The following ZNF804B variants were observed in gnomAD, a reference collection of about 807,000 sequenced individuals.
The protein encoded by ZNF804B is zinc finger 804B.
Under a neutral mutation model 101.4 loss-of-function variants are expected in ZNF804B, and 80 were observed. The ratio of observed to expected loss-of-function variants is 0.79; its 90% CI spans 0.66 to 0.95. The LOEUF (loss-of-function observed/expected upper bound fraction) is 0.95, where lower values mean the gene tolerates loss of function less well. Among genes scored for constraint, ZNF804B ranks in the 40% least tolerant of loss-of-function variants. ZNF804B has a pLI of 0.00. For missense variants in ZNF804B, 1,673 were observed against 1,561.9 expected, an observed-to-expected ratio of 1.07 and a Z score of -1.20; for synonymous variants, 622 against 558.8, an observed-to-expected ratio of 1.11 and a Z score of -1.59.
intron 2 of ZNF804B, among the ~76,000 whole-genome samples, chr7:89,252,134 A>G (rs1457556358): frequency 6.6e-6 from 1 of 152,196 alleles, no homozygotes; most frequent in Non-Finnish European, 1.5e-5. Flanking sequence ...ACAGAATGAG[A>G]GAAAGTATTC....
At chr7:89,079,306 G>A (rs1562878701) in intron 1 of ZNF804B, among the ~76,000 whole-genome samples, 2 of 151,914 alleles carry the variant, frequency 1.3e-5, no homozygotes, top group African/African-American at 4.8e-5. Context: ...TAGGCTAAAT[G>A]TTTTTTATTT....
intron 1 of ZNF804B, among the ~76,000 whole-genome samples, chr7:89,186,046 A>C (rs910097305): frequency 1.3e-5 from 2 of 152,124 alleles, no homozygotes; most frequent in Non-Finnish European, 2.9e-5. Context: ...TTTGAAGTTG[A>C]TACTTATATA....
chr7:89,306,337 A>G (rs1366844626), intron 2 of ZNF804B, among the ~76,000 whole-genome samples: 2 of 151,976 alleles, frequency 1.3e-5, no homozygotes, highest in African/African-American at 4.8e-5. Flanking sequence ...GGCCCATGAT[A>G]TTTTCACAAA....
At chr7:88,920,375 C>A (rs1792702899) in intron 1 of ZNF804B, among the ~76,000 whole-genome samples, 1 of 152,074 alleles carries the variant, frequency 6.6e-6, no homozygotes, top group African/African-American at 2.4e-5. Flanking sequence ...ACCTGGATAT[C>A]CTTATGAGTA....
At chr7:88,946,649 ATTC>A (rs1230775217) in intron 1 of ZNF804B, among the ~76,000 whole-genome samples, 9 of 143,784 alleles carry the variant, frequency 6.3e-5, no homozygotes, top group African/African-American at 2.3e-4. Flanking sequence ...CTCTTTTTCT[ATTC>A]TTTGGAATAG....
intron 2 of ZNF804B, among the ~76,000 whole-genome samples, chr7:89,262,844 C>T (rs1198375019): frequency 6.6e-6 from 1 of 152,168 alleles, no homozygotes; most frequent in Non-Finnish European, 1.5e-5. Context: ...ATAATATCTT[C>T]CTAATCTCTC....
intron 1 of ZNF804B, among the ~76,000 whole-genome samples, chr7:89,061,168 A>G (rs1043074137): frequency 6.6e-6 from 1 of 151,968 alleles, no homozygotes; most frequent in African/African-American, 2.4e-5. Context: ...GTATGTTATT[A>G]TTGCCTATTT....
intron 1 of ZNF804B, among the ~76,000 whole-genome samples, chr7:89,188,593 A>G (rs866692915): frequency 3.5e-4 from 53 of 152,288 alleles, no homozygotes; most frequent in Middle Eastern, 6.8e-3. Flanking sequence ...ACAGTTAGCA[A>G]AGTTCTGAAT....
intron 1 of ZNF804B, among the ~76,000 whole-genome samples, chr7:88,814,804 C>T (rs1790851104): frequency 6.6e-6 from 1 of 151,986 alleles, no homozygotes; most frequent in Admixed American, 6.6e-5. Context: ...CCTTCTCCTT[C>T]ATTTCCTACA....
chr7:89,092,638 C>T (rs890519828), intron 1 of ZNF804B, among the ~76,000 whole-genome samples: 2 of 152,000 alleles, frequency 1.3e-5, no homozygotes, highest in Non-Finnish European at 2.9e-5. Flanking sequence ...ATCTCGAAAT[C>T]CTGACCTTGT....
At chr7:88,881,366 A>T (rs984092701) in intron 1 of ZNF804B, among the ~76,000 whole-genome samples, 3 of 152,088 alleles carry the variant, frequency 2.0e-5, no homozygotes, top group African/African-American at 7.2e-5. Context: ...TGTTTCTGCA[A>T]ATTTTTTCTT....
At chr7:89,221,409 C>G (rs1789001784) in intron 2 of ZNF804B, among the ~76,000 whole-genome samples, 1 of 151,820 alleles carries the variant, frequency 6.6e-6, no homozygotes, top group African/African-American at 2.4e-5. Flanking sequence ...TGATTTGTGC[C>G]TTACACACGT....
At chr7:88,846,608 A>G (rs1230941911) in intron 1 of ZNF804B, among the ~76,000 whole-genome samples, 1 of 152,192 alleles carries the variant, frequency 6.6e-6, no homozygotes, top group Non-Finnish European at 1.5e-5. Flanking sequence ...CTCACACACA[A>G]TGCTTATTTC....
chr7:88,985,991 A>G (rs1376747371), intron 1 of ZNF804B, among the ~76,000 whole-genome samples: 1 of 152,162 alleles, frequency 6.6e-6, no homozygotes, highest in Non-Finnish European at 1.5e-5. Context: ...AAATATTTGC[A>G]CAAAACTGGA....
At chr7:89,318,687 C>T (rs917393061) in intron 2 of ZNF804B, among the ~76,000 whole-genome samples, 2 of 152,116 alleles carry the variant, frequency 1.3e-5, no homozygotes, top group Admixed American at 6.5e-5. Flanking sequence ...TGCTTGAACT[C>T]GGAGGCAGAG....
chr7:89,113,331 C>T (rs1005858448), intron 1 of ZNF804B, among the ~76,000 whole-genome samples: 4 of 151,974 alleles, frequency 2.6e-5, no homozygotes, highest in Admixed American at 2.0e-4. Flanking sequence ...TGTAATAAAC[C>T]TGCACATGTA....
intron 1 of ZNF804B, among the ~76,000 whole-genome samples, chr7:88,925,149 T>C (rs568038952): frequency 6.6e-6 from 1 of 152,246 alleles, no homozygotes; most frequent in Admixed American, 6.5e-5. Context: ...CATTGTAAAG[T>C]TTTTAGCAAT....
intron 1 of ZNF804B, among the ~76,000 whole-genome samples, chr7:88,853,552 G>T (rs892519724): frequency 2.0e-5 from 3 of 152,014 alleles, no homozygotes; most frequent in Admixed American, 6.6e-5. Context: ...TCTATTCCAA[G>T]ATTTTTTTGT....
At chr7:89,094,308 TG>T (rs1789938829) in intron 1 of ZNF804B, among the ~76,000 whole-genome samples, 2 of 152,352 alleles carry the variant, frequency 1.3e-5, no homozygotes, top group East Asian at 1.9e-4. Context: ...TGTTTTCAAA[TG>T]TTTATTTAAC....
Sources: allele counts gnomAD v4.1 joint callset (sites outside exome capture counted in the v4.1 genomes callset), GRCh38; gene constraint gnomAD v4.1.1; transcripts MANE v1.5; gene names NCBI Gene and HGNC (gene_info 2026-07-23, HGNC 2026-07-21).